DLGAP1: variants seen among roughly 807,000 people sequenced by gnomAD.
DLGAP1 encodes DLG associated protein 1, also known as disks large-associated protein 1.
A neutral mutation model predicts 90.8 loss-of-function variants in DLGAP1; 11 were observed. That is an observed-to-expected ratio of 0.12 (90% CI 0.08 to 0.20). The LOEUF (loss-of-function observed/expected upper bound fraction) is 0.20, where lower values mean the gene tolerates loss of function less well. DLGAP1 is among the 10% of genes least tolerant of loss of function. DLGAP1 has a pLI of 1.00. For synonymous variants in DLGAP1, 558 were observed against 540.7 expected (o/e 1.03, Z -0.44); for missense variants, 1,050 against 1,333.8 (o/e 0.79, Z 3.31).
chr18:3,762,078 T>C (rs867637960), intron 5 of DLGAP1, among the ~76,000 whole-genome samples: 6 of 152,216 alleles, frequency 3.9e-5, no homozygotes, highest in African/African-American at 1.2e-4. Flanking sequence ...GGATGCTAAA[T>C]AATATAGTAG....
chr18:3,619,875 G>T (rs1249494907), intron 7 of DLGAP1, among the ~76,000 whole-genome samples: 1 of 149,736 alleles, frequency 6.7e-6, no homozygotes, highest in East Asian at 2.0e-4. Flanking sequence ...GCTACTCATA[G>T]ACCCCATCAT....
chr18:3,785,490 G>A lies in DLGAP1; in HGVS notation c.1172+28569C>T, dbSNP rs1336715315. Among the ~76,000 whole-genome samples the A allele has an allele frequency of 2.6e-5, 4 of 152,214 alleles. No individual in the cohort carries two copies. In the East Asian group the frequency reaches 5.8e-4, roughly 22 times the overall value. Reference sequence around the variant, plus strand: ...AATGAGTACTCAATAACTCAGTGGAGTACAGATCTTATAAAGCCTTCTGCC... The same window carrying A: ...AATGAGTACTCAATAACTCAGTGGAATACAGATCTTATAAAGCCTTCTGCC... On this transcript the variant is annotated intron_variant, in intron 5 of 12. Coordinates refer to ENST00000315677, the MANE Select transcript of DLGAP1 (RefSeq NM_004746.4).
chr18:3,499,374 T>C lies in DLGAP1; in HGVS notation c.2745A>G (p.Pro915=). 1 of 1,550,372 alleles carries C rather than the reference T, an allele frequency of 6.5e-7. No homozygotes were observed. The highest frequency in any genetic ancestry group is 1.2e-5 in the South Asian group (1 of 84,070). ...LDKKERRAPP[P]VPKKPAKGPA... ...GGCCCTTCGCCGGCTTCTTTGGCAC[T>C]GGAGGAGGGGCCCTTCTCTCCTGAT... Residue 915 remains proline (P), a synonymous_variant, in exon 13 of 13, where the codon CCA becomes CCG. Coordinates refer to ENST00000315677, the MANE Select transcript of DLGAP1 (RefSeq NM_004746.4). This position sits in a 1 kb window ranked among gnomAD's most constrained non-coding sequence, Gnocchi z 6.4.
At chr18:3,705,335 G>A (rs188025733) in intron 7 of DLGAP1, among the ~76,000 whole-genome samples, 1 of 151,352 alleles carries the variant, frequency 6.6e-6, no homozygotes, top group East Asian at 1.9e-4. Context: ...AACTTCAGGG[G>A]GTTAGAATGC....
chr18:4,144,892 T>G (rs562185968), intron 2 of DLGAP1, among the ~76,000 whole-genome samples: 1 of 152,358 alleles, frequency 6.6e-6, no homozygotes, highest in East Asian at 1.9e-4. Flanking sequence ...AGTCAAATGT[T>G]GTCCTTGAAC....
intron 2 of DLGAP1, among the ~76,000 whole-genome samples, chr18:4,118,946 T>C (rs967084324): frequency 1.3e-5 from 2 of 152,224 alleles, no homozygotes; most frequent in Admixed American, 1.3e-4. Flanking sequence ...CACTCTTCTC[T>C]GGAGTCATCT....
intron 2 of DLGAP1, among the ~76,000 whole-genome samples, chr18:4,075,890 G>A (rs948442159): frequency 1.3e-5 from 2 of 152,152 alleles, no homozygotes; most frequent in African/African-American, 4.8e-5. Flanking sequence ...TAAAGTTGTT[G>A]TTGTTGTTTT....
chr18:3,654,207 G>A (rs1416107317), intron 7 of DLGAP1, among the ~76,000 whole-genome samples: 1 of 152,168 alleles, frequency 6.6e-6, no homozygotes, highest in East Asian at 1.9e-4. Flanking sequence ...AACTTCCTGT[G>A]AGCCCCAGGG....
intron 8 of DLGAP1, among the ~76,000 whole-genome samples, chr18:3,569,688 A>G (rs2054652365): frequency 6.6e-6 from 1 of 151,962 alleles, no homozygotes; most frequent in Admixed American, 6.6e-5. Context: ...GAGATCTACT[A>G]TTACCCTCCT....
At chr18:3,583,184 A>ACCTACCTACCTACCTTCCTT (rs1555688608) in intron 7 of DLGAP1, among the ~76,000 whole-genome samples, 1 of 127,704 alleles carries the variant, frequency 7.8e-6, no homozygotes, top group African/African-American at 3.2e-5. Flanking sequence ...CTACCTACCT[A>ACCTACCTACCTACCTTCCTT]CCTTCCTTCC....
At chr18:4,097,482 A>G (rs2075702551) in intron 2 of DLGAP1, among the ~76,000 whole-genome samples, 1 of 152,360 alleles carries the variant, frequency 6.6e-6, no homozygotes, top group African/African-American at 2.4e-5. Flanking sequence ...GCTTCCTGCA[A>G]TGTGGATGTA....
chr18:3,590,070 C>A lies in DLGAP1; in HGVS notation c.1592-7822G>T, dbSNP rs143400747. 5.3e-3 allele frequency among the ~76,000 whole-genome samples: 814 copies of A among 152,228 alleles called. 6 individuals carry two copies. The highest frequency in any genetic ancestry group is 0.019 in the African/African-American group (778 of 41,544). ...GGATTACAGGCATGTGCCACCACAC[C>A]AGGCTAATTTTTTTTATTTAATAGA... On this transcript the variant is annotated intron_variant, in intron 7 of 12. Coordinates refer to ENST00000315677, the MANE Select transcript of DLGAP1 (RefSeq NM_004746.4).
chr18:4,232,697 C>G (rs1450570491), intron 1 of DLGAP1, among the ~76,000 whole-genome samples: 1 of 152,100 alleles, frequency 6.6e-6, no homozygotes, highest in African/African-American at 2.4e-5. Context: ...GGTTTGTGGA[C>G]CTCTGGAATG....
chr18:3,942,556 A>G (rs1009183523), intron 3 of DLGAP1, among the ~76,000 whole-genome samples: 1 of 152,212 alleles, frequency 6.6e-6, no homozygotes, highest in Non-Finnish European at 1.5e-5. Flanking sequence ...TGTGCCAACC[A>G]AATTTGTCTT....
chr18:4,313,727 G>A (rs1321343916), intron 1 of DLGAP1, among the ~76,000 whole-genome samples: 1 of 152,132 alleles, frequency 6.6e-6, no homozygotes, highest in Non-Finnish European at 1.5e-5. Context: ...ATTTACTATT[G>A]TAATACATTG....
intron 10 of DLGAP1, among the ~76,000 whole-genome samples, chr18:3,516,309 C>T (rs1008989986): frequency 1.3e-5 from 2 of 151,862 alleles, no homozygotes; most frequent in African/African-American, 4.8e-5. Context: ...TTGATACAGG[C>T]ATGCACTGTG....
intron 1 of DLGAP1, among the ~76,000 whole-genome samples, chr18:4,289,216 C>T (rs2079785482): frequency 6.6e-6 from 1 of 152,032 alleles, no homozygotes; most frequent in Admixed American, 6.6e-5. Context: ...TGCCATTGTT[C>T]TTTCTTGTGT....
chr18:4,386,787 A>G (rs1375182219), intron 1 of DLGAP1, among the ~76,000 whole-genome samples: 1 of 152,208 alleles, frequency 6.6e-6, no homozygotes, highest in Non-Finnish European at 1.5e-5. Context: ...GTATGTGAGA[A>G]TGAAAATAAG....
At chr18:4,086,741 T>C (rs916515612) in intron 2 of DLGAP1, among the ~76,000 whole-genome samples, 2 of 152,084 alleles carry the variant, frequency 1.3e-5, no homozygotes, top group African/African-American at 2.4e-5. Context: ...GAATGCTCCA[T>C]ATGCACTTAA....
Sources: gnomAD v4.1 joint callset for allele counts (sites outside exome capture counted in the v4.1 genomes callset) on GRCh38, gnomAD v4.1.1 for gene constraint, Gnocchi (gnomAD v3.1) non-coding constraint, MANE v1.5 for transcripts, NCBI Gene and HGNC (gene_info 2026-07-23, HGNC 2026-07-21) for gene names.